The following LRRTM4 variants were observed in gnomAD, a reference collection of about 807,000 sequenced individuals.
The protein encoded by LRRTM4 is leucine rich repeat transmembrane neuronal 4.
A neutral mutation model predicts 47.6 loss-of-function variants in LRRTM4; 25 were observed. The ratio of observed to expected loss-of-function variants is 0.53; its 90% CI spans 0.38 to 0.73. The LOEUF (loss-of-function observed/expected upper bound fraction) is 0.73. Among genes scored for constraint, LRRTM4 ranks in the 30% least tolerant of loss-of-function variants. The pLI, the probability that LRRTM4 is intolerant of heterozygous loss-of-function variation, is 0.00. For synonymous variants in LRRTM4, 311 were observed against 269.5 expected (o/e 1.15, Z -1.51); for missense variants, 638 against 713.4 (o/e 0.89, Z 1.20).
intron 3 of LRRTM4, among the ~76,000 whole-genome samples, chr2:77,334,725 G>T (rs1028432946): frequency 6.6e-6 from 1 of 152,238 alleles, no homozygotes; most frequent in East Asian, 1.9e-4. Context: ...TTTCTTCTTG[G>T]TATGTTTATC....
intron 3 of LRRTM4, among the ~76,000 whole-genome samples, chr2:77,461,267 T>A (rs1168379213): frequency 6.6e-6 from 1 of 152,030 alleles, no homozygotes; most frequent in East Asian, 1.9e-4. Context: ...CTCCTGCAGA[T>A]AGCCACTGCT....
chr2:77,352,128 C>T (rs1452471157), intron 3 of LRRTM4, among the ~76,000 whole-genome samples: 1 of 152,140 alleles, frequency 6.6e-6, no homozygotes, highest in African/African-American at 2.4e-5. Flanking sequence ...GACAACTTTT[C>T]TTTTCTTCTG....
At chr2:77,179,406 T>C (rs985769659) in intron 3 of LRRTM4, among the ~76,000 whole-genome samples, 1 of 152,174 alleles carries the variant, frequency 6.6e-6, no homozygotes, top group Admixed American at 6.5e-5. Context: ...CAGAGGTTCT[T>C]GAAATATTTA....
At chr2:76,847,773 C>G (rs1362045990) in intron 3 of LRRTM4, among the ~76,000 whole-genome samples, 1 of 151,884 alleles carries the variant, frequency 6.6e-6, no homozygotes, top group Non-Finnish European at 1.5e-5. Context: ...TGTGTATTAA[C>G]CATTTGTAAA....
At chr2:76,961,219 A>G (rs1478577755) in intron 3 of LRRTM4, among the ~76,000 whole-genome samples, 2 of 151,506 alleles carry the variant, frequency 1.3e-5, no homozygotes, top group Non-Finnish European at 3.0e-5. Flanking sequence ...TCACATGTAA[A>G]TAAATATCTA....
intron 3 of LRRTM4, among the ~76,000 whole-genome samples, chr2:76,840,641 T>C (rs2103930339): frequency 6.6e-6 from 1 of 152,310 alleles, no homozygotes; most frequent in South Asian, 2.1e-4. Context: ...GTTTCACAGC[T>C]GCCCCGACTA....
chr2:77,150,154 G>GA lies in LRRTM4; in HGVS notation c.1551+368163dup, dbSNP rs60408639. 3.7e-4 allele frequency among the ~76,000 whole-genome samples: 55 copies of GA among 150,416 alleles called. 2 individuals carry two copies. Among genetic ancestry groups the GA allele is most frequent in the Admixed American group, 8.6e-4 (13 of 15,104 alleles). On this transcript the variant is annotated intron_variant, in intron 3 of 3. Coordinates refer to ENST00000409884, the MANE Select transcript of LRRTM4 (RefSeq NM_001134745.3). Reference sequence around the variant, plus strand: ...TTGTTAGGTTAGGCTGTGCAAAACTGAAAAAAAAATCATAATAGGAGTTTA... The same window carrying GA: ...TTGTTAGGTTAGGCTGTGCAAAACTGAAAAAAAAAATCATAATAGGAGTTTA...
chr2:76,834,208 T>G (rs1173614378), intron 3 of LRRTM4, among the ~76,000 whole-genome samples: 1 of 54,484 alleles, frequency 1.8e-5, no homozygotes, highest in African/African-American at 1.2e-4. Context: ...GCCAAGCTAA[T>G]TTTTTTTTTT....
intron 3 of LRRTM4, among the ~76,000 whole-genome samples, chr2:77,504,941 G>T (rs1189131206): frequency 6.6e-6 from 1 of 151,194 alleles, no homozygotes; most frequent in Non-Finnish European, 1.5e-5. Flanking sequence ...TCCAAAAGGG[G>T]TTCTACAAAG....
At chr2:77,134,484 T>C (rs1671881078) in intron 3 of LRRTM4, among the ~76,000 whole-genome samples, 1 of 152,192 alleles carries the variant, frequency 6.6e-6, no homozygotes, top group Non-Finnish European at 1.5e-5. Context: ...ATTTTAAAAA[T>C]ATGTTAAATG....
At chr2:76,844,600 A>C (rs13396192) in intron 3 of LRRTM4, among the ~76,000 whole-genome samples, 1,920 of 152,190 alleles carry the variant, frequency 0.013, 44 homozygotes, top group African/African-American at 0.044. Flanking sequence ...AGTTTATCAA[A>C]CAAGCCAAGA....
intron 3 of LRRTM4, among the ~76,000 whole-genome samples, chr2:76,828,611 T>C (rs1671249977): frequency 6.6e-6 from 1 of 151,960 alleles, no homozygotes; most frequent in South Asian, 2.1e-4. Flanking sequence ...GTGGGTGACA[T>C]GAATGCTAGG....
At chr2:77,409,556 G>T (rs1224657975) in intron 3 of LRRTM4, among the ~76,000 whole-genome samples, 1 of 152,008 alleles carries the variant, frequency 6.6e-6, no homozygotes, top group Non-Finnish European at 1.5e-5. Flanking sequence ...CTTTTAGTAG[G>T]TTCAATAATT....
chr2:76,945,174 G>A (rs925430556), intron 3 of LRRTM4, among the ~76,000 whole-genome samples: 2 of 152,016 alleles, frequency 1.3e-5, no homozygotes, highest in African/African-American at 2.4e-5. Context: ...TTATTTAATA[G>A]TTTTCCTTTT....
At chr2:76,795,613 TTATC>T (rs202108646) in intron 3 of LRRTM4, among the ~76,000 whole-genome samples, 13,268 of 132,670 alleles carry the variant, frequency 0.1, 900 homozygotes, top group East Asian at 0.33. Flanking sequence ...TACATTTTCT[TTATC>T]CATCCATTGA....
chr2:77,018,243 G>T, intron 3 of LRRTM4, among the ~76,000 whole-genome samples: 1 of 122,604 alleles, frequency 8.2e-6, no homozygotes, highest in African/African-American at 3.1e-5. Flanking sequence ...ACCATGTAAT[G>T]CTAAGCTCTT....
intron 3 of LRRTM4, among the ~76,000 whole-genome samples, chr2:77,376,268 T>C (rs561109597): frequency 1.3e-5 from 2 of 151,902 alleles, no homozygotes; most frequent in Non-Finnish European, 2.9e-5. Flanking sequence ...GAAAACGTCA[T>C]ACCAAGAGTT....
intron 3 of LRRTM4, among the ~76,000 whole-genome samples, chr2:77,128,395 C>CAGATAGATAGATAGATAGATAGAT (rs59399563): frequency 8.6e-5 from 13 of 150,552 alleles, no homozygotes; most frequent in East Asian, 2.0e-4. Context: ...AATTCTGTAA[C>CAGATAGATAGATAGATAGATAGAT]AGATAGATAG....
intron 3 of LRRTM4, among the ~76,000 whole-genome samples, chr2:77,156,689 G>A (rs989987223): frequency 3.6e-4 from 54 of 149,764 alleles, no homozygotes; most frequent in African/African-American, 1.3e-3. Flanking sequence ...TTTAAAGAAA[G>A]ATACAATGAG....
Sources: allele counts gnomAD v4.1 joint callset (sites outside exome capture counted in the v4.1 genomes callset), GRCh38; gene constraint gnomAD v4.1.1; transcripts MANE v1.5; gene names NCBI Gene and HGNC (gene_info 2026-07-23, HGNC 2026-07-21).